The following NSFL1C variants were observed in gnomAD, a reference collection of about 807,000 sequenced individuals.
NSFL1C encodes NSFL1 cofactor p47.
A neutral mutation model predicts 43.1 loss-of-function variants in NSFL1C; 14 were observed. The ratio of observed to expected loss-of-function variants is 0.32; its 90% CI spans 0.21 to 0.51. The LOEUF (loss-of-function observed/expected upper bound fraction) is 0.51. Among genes scored for constraint, NSFL1C ranks in the 20% least tolerant of loss-of-function variants. The probability of loss-of-function intolerance (pLI) is 0.98; values close to 1 mark genes in which losing one functional copy is unlikely to be tolerated. For missense variants in NSFL1C, 406 were observed against 472.5 expected (o/e 0.86, Z 1.30); for synonymous variants, 171 against 183.5 (o/e 0.93, Z 0.55).
chr20:1,445,763 A>T lies in NSFL1C; in HGVS notation c.853T>A (p.Ser285Thr), dbSNP rs752248671. ...TCTGATTCGTCGATTAAGATGGAAG[A>T]GCTGGCTTTGGCTTCATTTTCTGCC... The part of the protein sequence containing the change: ...QQAENEAKAS[S>T]SILIDESEPT... Residue 285 changes from serine (S) to threonine (T), a missense_variant, in exon 8 of 9, where the codon TCT (serine) becomes ACT (threonine). This residue lies in a region of NSFL1C where 196 missense variants were observed against 228.0 expected (regional missense o/e 0.86). Coordinates refer to ENST00000216879, the MANE Select transcript of NSFL1C (RefSeq NM_016143.5). 7 of 1,613,822 alleles carry T rather than the reference A, an allele frequency of 4.3e-6. No homozygotes were observed. Among genetic ancestry groups the T allele is most frequent in the Non-Finnish European group, 5.9e-6 (7 of 1,179,962 alleles).
rs528641838 is a variant in NSFL1C, at chr20:1,464,569, G to A, written c.106-143C>T. 110 of 624,792 alleles carry A rather than the reference G, an allele frequency of 1.8e-4. 3 individuals are homozygous for A. In the South Asian group the frequency reaches 2.2e-3, roughly 12 times the overall value. 38.7% of individuals were successfully genotyped at this position (624,792 alleles called of 1,614,324 possible). On this transcript the variant is annotated intron_variant, in intron 1 of 8. Coordinates refer to ENST00000216879, the MANE Select transcript of NSFL1C (RefSeq NM_016143.5). ...GGGCCAAAGAAAATTAGACCAGAAG[G>A]TTAACAGCTCAGCTGTTAGTCTTCG...
intron 2 of NSFL1C, among the ~76,000 whole-genome samples, chr20:1,462,920 T>C (rs2090444398): frequency 6.6e-6 from 1 of 152,084 alleles, no homozygotes; most frequent in South Asian, 2.1e-4. Flanking sequence ...AATACTAAAA[T>C]TATAATAACA....
intron 2 of NSFL1C, 76 bp from the exon 3 acceptor site, chr20:1,458,350 G>A (rs2090345025): frequency 1.6e-6 from 2 of 1,230,280 alleles, no homozygotes; most frequent in South Asian, 1.2e-5. Context: ...CTGCTAAGGA[G>A]GTGAAGACAC....
intron 4 of NSFL1C, 30 bp from the exon 5 acceptor site, chr20:1,454,335 G>A: frequency 6.6e-7 from 1 of 1,518,750 alleles, no homozygotes; most frequent in Non-Finnish European, 9.1e-7. Context: ...ACACATTTAA[G>A]GGGTTGGTCC....
Position 1,443,805 on chromosome 20 carries a change from G to C in NSFL1C, c.1057C>G (p.Gln353Glu), listed in dbSNP as rs1164997542. The change falls in exon 9 of 9, where the codon CAG becomes GAG. Residue 353 changes from glutamine (Q) to glutamate (E), a missense_variant. Physicochemically the swap from Gln to Glu is conservative, Grantham distance 29. This residue lies in a region of NSFL1C where 196 missense variants were observed against 228.0 expected (regional missense o/e 0.86). Transcript: ENST00000216879. ...FPNKELADES[Q>E]TLKEANLLNA... ...AGCAGGTTGGCTTCCTTCAGGGTCTGGCTCTCATCAGCCAGCTCTTTGTTC... is the reference window on the plus strand; with the variant it reads ...AGCAGGTTGGCTTCCTTCAGGGTCTCGCTCTCATCAGCCAGCTCTTTGTTC... The C allele has an allele frequency of 3.7e-6, 6 of 1,614,050 alleles. No individual in the cohort carries two copies. Among genetic ancestry groups the C allele is most frequent in the Non-Finnish European group, 5.1e-6 (6 of 1,180,046 alleles).
intron 8 of NSFL1C, 131 bp downstream of exon 8, chr20:1,445,535 G>A (rs1005229314): frequency 1.8e-5 from 18 of 1,028,100 alleles, no homozygotes; most frequent in South Asian, 7.6e-5. Context: ...TACCACCCTC[G>A]TGTCTGCTTT....
intron 3 of NSFL1C, among the ~76,000 whole-genome samples, chr20:1,457,332 T>C (rs1235959182): frequency 6.6e-6 from 1 of 152,236 alleles, no homozygotes; most frequent in Non-Finnish European, 1.5e-5. Context: ...TTTATAATTG[T>C]ATATACTTAT....
At chr20:1,462,708 A>G (rs1439539843) in intron 2 of NSFL1C, among the ~76,000 whole-genome samples, 1 of 151,914 alleles carries the variant, frequency 6.6e-6, no homozygotes, top group Non-Finnish European at 1.5e-5. Flanking sequence ...TATTTTTAGT[A>G]GAGACGGGGT....
chr20:1,455,952 GCC>G (rs1194554508), intron 3 of NSFL1C: 2 of 582,066 alleles, frequency 3.4e-6, no homozygotes, highest in Non-Finnish European at 6.2e-6. Flanking sequence ...TTTGCAATAG[GCC>G]AGGCATGGCT....
chr20:1,461,621 G>A (rs769120793), intron 2 of NSFL1C, among the ~76,000 whole-genome samples: 11 of 152,224 alleles, frequency 7.2e-5, no homozygotes, highest in Non-Finnish European at 1.6e-4. Context: ...ATGTCCACAA[G>A]AAGAGGCAGA....
At chr20:1,463,221 C>G (rs748474045) in intron 2 of NSFL1C, 1 of 152,080 alleles carries the variant, frequency 6.6e-6, no homozygotes, top group Non-Finnish European at 1.5e-5. Flanking sequence ...TAAATCTCTC[C>G]CCCTCTATAA....
chr20:1,455,078 C>T lies in NSFL1C; in HGVS notation c.333G>A (p.Arg111=). 6.2e-7 allele frequency: 1 copy of T among 1,614,126 alleles called. No individual in the cohort carries two copies. Among genetic ancestry groups the T allele is most frequent in the Non-Finnish European group, 8.5e-7 (1 of 1,180,004 alleles). The change falls in exon 4 of 9, where the codon AGG becomes AGA. Residue 111 remains arginine, a synonymous_variant. Coordinates refer to ENST00000216879, the MANE Select transcript of NSFL1C (RefSeq NM_016143.5). The part of the protein sequence containing the change: ...RSGQQIVGPP[R]KKSPNELVDD... Reference sequence around the variant, plus strand: ...CCACCAGCTCGTTGGGACTTTTCTTCCTGGGAGGGCCAACAATCTGCTGTC... The same window carrying T: ...CCACCAGCTCGTTGGGACTTTTCTTTCTGGGAGGGCCAACAATCTGCTGTC...
chr20:1,450,309 TCCCATC>T (rs1287049109), intron 7 of NSFL1C, among the ~76,000 whole-genome samples: 6 of 151,818 alleles, frequency 4.0e-5, no homozygotes, highest in Middle Eastern at 3.2e-3. Context: ...AAAGCTAAAG[TCCCATC>T]TCACTTAACT....
intron 2 of NSFL1C, among the ~76,000 whole-genome samples, chr20:1,459,809 T>C (rs1355076769): frequency 6.6e-6 from 1 of 152,216 alleles, no homozygotes; most frequent in African/African-American, 2.4e-5. Context: ...TTCCACTCAT[T>C]CATCTTCCCA....
chr20:1,455,067 G>A lies in NSFL1C; in HGVS notation c.344C>T (p.Pro115Leu), dbSNP rs926542868. The change falls in exon 4 of 9, where the codon CCC becomes CTC. Residue 115 changes from proline (P) to leucine (L), a missense_variant. Pro to Leu is a moderately conservative substitution (Grantham distance 98). This residue lies in a region of NSFL1C where 203 missense variants were observed against 216.3 expected (regional missense o/e 0.94). Transcript: ENST00000216879. ...QIVGPPRKKSPNELVDDLFKG... is the reference protein window; with the variant it reads ...QIVGPPRKKSLNELVDDLFKG... ...AAAGAGATCATCCACCAGCTCGTTG[G>A]GACTTTTCTTCCTGGGAGGGCCAAC... 1.9e-6 allele frequency: 3 copies of A among 1,614,090 alleles called. No individual in the cohort carries two copies. The highest frequency in any genetic ancestry group is 1.7e-6 in the Non-Finnish European group (2 of 1,180,012).
intron 7 of NSFL1C, among the ~76,000 whole-genome samples, chr20:1,451,514 C>T (rs546753332): frequency 6.6e-6 from 1 of 152,324 alleles, no homozygotes; most frequent in African/African-American, 2.4e-5. Flanking sequence ...CACACACCAG[C>T]CATGTGCCCA....
At position 1,447,296 on chromosome 20, in the gene NSFL1C, T is replaced by C. The variant is rs188217581; in HGVS notation, c.786-1466A>G. Among the ~76,000 whole-genome samples, 42 of 152,290 alleles carry C rather than the reference T, an allele frequency of 2.8e-4. 1 individual carries two copies. Among genetic ancestry groups the C allele is most frequent in the African/African-American group, 1.0e-3 (42 of 41,558 alleles). On this transcript the variant is annotated intron_variant, in intron 7 of 8. Transcript: ENST00000216879. ...GGAAATAGTGAATAGGTAAATCTCA[T>C]ATACCTGTAAATGCCTAAGCTCTGC... is the stretch of plus-strand genomic sequence containing the variant.
rs772762454 is a variant in NSFL1C, at chr20:1,455,139, AC to A, written c.279-8del. 6.2e-7 allele frequency: 1 copy of A among 1,614,188 alleles called. No individual in the cohort carries two copies. Among genetic ancestry groups the A allele is most frequent in the East Asian group, 2.2e-5 (1 of 44,884 alleles). On this transcript the variant is annotated splice_region_variant and splice_polypyrimidine_tract_variant and intron_variant, in intron 3 of 8. Coordinates refer to ENST00000216879, the MANE Select transcript of NSFL1C (RefSeq NM_016143.5). ...TGAGCCCCCAGCATAAAACCTGTGT[AC>A]AAAATACACCTCTAACATGAAACAC...
At chr20:1,445,537 G>A in intron 8 of NSFL1C, 129 bp downstream of exon 8, 1 of 1,059,918 alleles carries the variant, frequency 9.4e-7, no homozygotes, top group Non-Finnish European at 1.4e-6. Context: ...CCACCCTCGT[G>A]TCTGCTTTGG....
Sources: gnomAD v4.1 joint callset for allele counts (sites outside exome capture counted in the v4.1 genomes callset) on GRCh38, gnomAD v4.1.1 for gene constraint, gnomAD v4.1.1 regional missense constraint, MANE v1.5 for transcripts, NCBI Gene and HGNC (gene_info 2026-07-23, HGNC 2026-07-21) for gene names.